The following DNM3 variants were observed in gnomAD, a reference collection of about 807,000 sequenced individuals.
DNM3 encodes dynamin 3.
DNM3 carries 47 observed loss-of-function variants against 101.6 expected under a neutral mutation model. The observed-to-expected ratio is 0.46, with a 90% CI of 0.37 to 0.59. The LOEUF (loss-of-function observed/expected upper bound fraction) is 0.59, where lower values mean the gene tolerates loss of function less well. DNM3 is among the 20% of genes least tolerant of loss of function. DNM3 has a pLI of 0.00. For synonymous variants in DNM3, 385 were observed against 387.9 expected, an observed-to-expected ratio of 0.99 and a Z score of 0.09; for missense variants, 849 against 1,085.7, an observed-to-expected ratio of 0.78 and a Z score of 3.06.
intron 14 of DNM3, among the ~76,000 whole-genome samples, chr1:172,134,510 C>T (rs1278618107): frequency 3.9e-5 from 6 of 152,104 alleles, no homozygotes; most frequent in Non-Finnish European, 2.9e-5. Context: ...GTAACTTAGC[C>T]AGGTGCTAAG....
chr1:172,401,163 A>C (rs552215327), intron 20 of DNM3, among the ~76,000 whole-genome samples: 1 of 152,320 alleles, frequency 6.6e-6, no homozygotes, highest in Non-Finnish European at 1.5e-5. Flanking sequence ...CTCAATCAAA[A>C]TTTATTTTGA....
chr1:171,856,525 TG>T (rs1217459849), intron 1 of DNM3, among the ~76,000 whole-genome samples: 1 of 152,240 alleles, frequency 6.6e-6, no homozygotes, highest in African/African-American at 2.4e-5. Flanking sequence ...TTTTTCCATT[TG>T]TTTGTGTCAT....
At chr1:172,048,180 T>TA (rs2049952981) in intron 9 of DNM3, among the ~76,000 whole-genome samples, 3 of 152,208 alleles carry the variant, frequency 2.0e-5, no homozygotes, top group Non-Finnish European at 4.4e-5. Context: ...CTTACTGTCT[T>TA]ATACTCCCAG....
chr1:172,131,251 T>C lies in DNM3; in HGVS notation c.1622T>C (p.Leu541Pro). 6.2e-7 allele frequency: 1 copy of C among 1,613,306 alleles called. No homozygotes were observed. Among genetic ancestry groups the C allele is most frequent in the Non-Finnish European group, 8.5e-7 (1 of 1,179,500 alleles). The change falls in exon 14 of 21, where the codon CTT (leucine) becomes CCT (proline). Residue 541 changes from leucine to proline, a missense_variant. By Grantham distance (98) the Leu-to-Pro change is moderately conservative. This residue lies in a region of DNM3 where 193 missense variants were observed against 238.4 expected (regional missense o/e 0.81). Coordinates refer to ENST00000627582, the MANE Select transcript of DNM3 (RefSeq NM_015569.5). ...GGCTCGAAGGGATACTGGTTCGTCC[T>C]TACTGCGGAAAGCTTGTCCTGGTAT... ...KGGSKGYWFV[L>P]TAESLSWYKD...
intron 14 of DNM3, among the ~76,000 whole-genome samples, chr1:172,208,641 T>C (rs1046005964): frequency 6.6e-6 from 1 of 152,086 alleles, no homozygotes; most frequent in African/African-American, 2.4e-5. Flanking sequence ...AAATAAGCTA[T>C]TTCTACATAC....
At chr1:172,154,205 C>T (rs1359969326) in intron 14 of DNM3, among the ~76,000 whole-genome samples, 1 of 152,022 alleles carries the variant, frequency 6.6e-6, no homozygotes, top group Non-Finnish European at 1.5e-5. Flanking sequence ...ATTAATTAAT[C>T]TGAGATTTTC....
intron 2 of DNM3, among the ~76,000 whole-genome samples, chr1:171,960,472 T>C (rs1219335128): frequency 2.0e-5 from 3 of 152,180 alleles, no homozygotes. Context: ...CTTAGTACAT[T>C]TGCAGAACAA....
intron 2 of DNM3, among the ~76,000 whole-genome samples, chr1:171,959,795 G>T (rs368203363): frequency 3.9e-5 from 6 of 152,066 alleles, no homozygotes; most frequent in African/African-American, 1.2e-4. Context: ...GATACACCAG[G>T]CCATTTACTA....
chr1:172,020,721 CAAA>C (rs3051630), intron 4 of DNM3, among the ~76,000 whole-genome samples: 9 of 66,342 alleles, frequency 1.4e-4, no homozygotes, highest in Admixed American at 1.8e-4. Context: ...GAGACTCCGT[CAAA>C]AAAAAAAAAA....
rs116335663 is a variant in DNM3, at chr1:172,219,229, G to A, written c.1660-34344G>A. ...AAAAGAAAACTAGCTGGGCATGGTG[G>A]CATGCACCCCTGGTCCCAGCTGTTC... is the stretch of plus-strand genomic sequence containing the variant. On this transcript the variant is annotated intron_variant, in intron 14 of 20. Transcript: ENST00000627582. Among the ~76,000 whole-genome samples, 1,396 of 151,858 alleles carry A rather than the reference G, an allele frequency of 9.2e-3. 6 individuals are homozygous for A. Among genetic ancestry groups the A allele is most frequent in the Non-Finnish European group, 0.014 (933 of 67,946 alleles).
chr1:172,101,514 T>G (rs1203394216), intron 13 of DNM3, among the ~76,000 whole-genome samples: 1 of 152,180 alleles, frequency 6.6e-6, no homozygotes, highest in Non-Finnish European at 1.5e-5. Flanking sequence ...TTTCATAAGG[T>G]TTTTGTATTA....
intron 1 of DNM3, among the ~76,000 whole-genome samples, chr1:171,902,685 A>G (rs59264710): frequency 0.01 from 1,575 of 152,168 alleles, 15 homozygotes; most frequent in Middle Eastern, 0.037. Flanking sequence ...GAAATTCAGA[A>G]GCAACATACT....
In DNM3 at chr1:172,304,777, G is replaced by T. The variant is rs931588833; in HGVS notation, c.1770-3951G>T. ...TGAAACTGAACAACCTGCTCCTGAA[G>T]GACTAAGGGTTTAATAATGAAATGA... On this transcript the variant is annotated intron_variant, in intron 15 of 20. Transcript: ENST00000627582. Among the ~76,000 whole-genome samples the T allele has an allele frequency of 7.2e-5, 11 of 152,208 alleles. No individual in the cohort carries two copies. In the East Asian group the frequency reaches 1.9e-3, roughly 27 times the overall value.
At chr1:172,361,846 T>A (rs955117382) in intron 17 of DNM3, among the ~76,000 whole-genome samples, 5 of 151,992 alleles carry the variant, frequency 3.3e-5, no homozygotes, top group African/African-American at 1.2e-4. Context: ...GCTTTTTCTG[T>A]CCTTCCAACC....
intron 15 of DNM3, among the ~76,000 whole-genome samples, chr1:172,279,760 A>C (rs1046930872): frequency 6.6e-6 from 1 of 152,170 alleles, no homozygotes; most frequent in African/African-American, 2.4e-5. Flanking sequence ...ATATATATTT[A>C]GAATTCAGCC....
At chr1:172,154,795 T>C (rs899199200) in intron 14 of DNM3, among the ~76,000 whole-genome samples, 1 of 152,064 alleles carries the variant, frequency 6.6e-6, no homozygotes, top group African/African-American at 2.4e-5. Flanking sequence ...TGACATGTGC[T>C]TCAGTTAAAA....
intron 15 of DNM3, among the ~76,000 whole-genome samples, chr1:172,275,108 G>A (rs2063229511): frequency 6.6e-6 from 1 of 152,032 alleles, no homozygotes; most frequent in African/African-American, 2.4e-5. Context: ...CTGTGTAGCT[G>A]TTGCTAGATG....
intron 4 of DNM3, among the ~76,000 whole-genome samples, chr1:172,026,937 T>C (rs1021236405): frequency 2.6e-5 from 4 of 152,012 alleles, no homozygotes; most frequent in African/African-American, 9.7e-5. Flanking sequence ...ACAGGTGTGA[T>C]CAACATTCTT....
intron 14 of DNM3, among the ~76,000 whole-genome samples, chr1:172,170,958 GTT>G (rs1233567222): frequency 6.6e-6 from 1 of 151,784 alleles, no homozygotes; most frequent in East Asian, 1.9e-4. Context: ...TTTCTATACT[GTT>G]AGAAATAGTG....
Sources: gnomAD v4.1 joint callset for allele counts (sites outside exome capture counted in the v4.1 genomes callset) on GRCh38, gnomAD v4.1.1 for gene constraint, gnomAD v4.1.1 regional missense constraint, MANE v1.5 for transcripts, NCBI Gene and HGNC (gene_info 2026-07-23, HGNC 2026-07-21) for gene names.